Variants in ELAVL2 observed in about 807,000 individuals in gnomAD.
ELAVL2 encodes the protein ELAV-like protein 2.
In ELAVL2, 4 loss-of-function variants were observed where a neutral mutation model predicts 34.6. The ratio of observed to expected loss-of-function variants is 0.12; its 90% CI spans 0.06 to 0.26. The LOEUF (loss-of-function observed/expected upper bound fraction) is 0.26. ELAVL2 is among the 10% of genes least tolerant of loss of function. The probability of loss-of-function intolerance (pLI) is 1.00; values close to 1 mark genes in which losing one functional copy is unlikely to be tolerated. For missense variants in ELAVL2, 432 were observed against 442.8 expected, an observed-to-expected ratio of 0.98 and a Z score of 0.22; for synonymous variants, 193 against 154.8, an observed-to-expected ratio of 1.25 and a Z score of -1.83.
At chr9:23,830,307 T>C (rs1009618087), upstream of ELAVL2, 1 of 152,168 alleles carries the variant, frequency 6.6e-6, no homozygotes, top group African/African-American at 2.4e-5. Flanking sequence ...TTGCGAAAGA[T>C]TCTTTACATT....
intron 1 of ELAVL2, among the ~76,000 whole-genome samples, chr9:23,796,893 C>CA (rs1183713682): frequency 7.9e-5 from 12 of 152,176 alleles, no homozygotes; most frequent in Admixed American, 7.9e-4. Context: ...CTTATCTCTT[C>CA]ATTTTAACCC....
the ELAVL2 span, among the ~76,000 whole-genome samples, chr9:23,848,377 T>G: frequency 6.6e-6 from 1 of 152,230 alleles, no homozygotes; most frequent in African/African-American, 2.4e-5. Context: ...CAAATGTTAC[T>G]AAATTGATTC....
intron 2 of ELAVL2, among the ~76,000 whole-genome samples, chr9:23,744,595 A>T (rs2050054876): frequency 6.6e-6 from 1 of 151,768 alleles, no homozygotes; most frequent in Non-Finnish European, 1.5e-5. Context: ...ATTGACAACA[A>T]CATTATTAAG....
At chr9:23,731,978 A>T (rs747130083) in intron 2 of ELAVL2, among the ~76,000 whole-genome samples, 3 of 152,222 alleles carry the variant, frequency 2.0e-5, no homozygotes, top group African/African-American at 4.8e-5. Flanking sequence ...AATGGAATGC[A>T]AAGATAACTA....
the ELAVL2 span, among the ~76,000 whole-genome samples, chr9:23,846,381 T>C: frequency 1.3e-5 from 2 of 152,096 alleles, no homozygotes; most frequent in Non-Finnish European, 2.9e-5. Flanking sequence ...AATGATTTGC[T>C]ACCTATAAAA....
At chr9:23,701,317 C>T (rs2037114172) in intron 5 of ELAVL2, 62 bp downstream of exon 5, 3 of 1,559,362 alleles carry the variant, frequency 1.9e-6, no homozygotes, top group African/African-American at 2.7e-5. Flanking sequence ...AAGTACTGGA[C>T]AGTAAACCTG....
chr9:23,701,396 C>T lies in ELAVL2; in HGVS notation c.696G>A (p.Gln232=). ...AGACTTACCTAAAACGCTGTGCCTGCTGAGCTAGCGGTCCTGGATACCTTC... is the reference window on the plus strand; with the variant it reads ...AGACTTACCTAAAACGCTGTGCCTGTTGAGCTAGCGGTCCTGGATACCTTC... ...PNRRYPGPLA[Q]QAQRFRLDNL... is the part of the protein sequence containing the mutation. The change falls in exon 5 of 7, where the codon CAG becomes CAA. Residue 232 remains glutamine, a synonymous_variant. Coordinates refer to ENST00000397312, the MANE Select transcript of ELAVL2 (RefSeq NM_004432.5). 6.2e-7 allele frequency: 1 copy of T among 1,614,064 alleles called. No homozygotes were observed. The highest frequency in any genetic ancestry group is 8.5e-7 in the Non-Finnish European group (1 of 1,179,976).
the ELAVL2 span, among the ~76,000 whole-genome samples, chr9:23,839,794 G>A: frequency 6.6e-6 from 1 of 152,032 alleles, no homozygotes; most frequent in Non-Finnish European, 1.5e-5. Flanking sequence ...TATAAAGAAA[G>A]CAAAACATTT....
At chr9:23,723,383 G>T (rs1237731047) in intron 3 of ELAVL2, among the ~76,000 whole-genome samples, 1 of 151,862 alleles carries the variant, frequency 6.6e-6, no homozygotes, top group African/African-American at 2.4e-5. Flanking sequence ...AGAACACACG[G>T]ACACAGGAAG....
At chr9:23,812,397 T>C (rs762379981) in intron 1 of ELAVL2, among the ~76,000 whole-genome samples, 7 of 152,128 alleles carry the variant, frequency 4.6e-5, no homozygotes, top group Non-Finnish European at 8.8e-5. Context: ...GCAGCCCACA[T>C]ATATCAAAGT....
At chr9:23,829,332 A>G (rs546734236), upstream of ELAVL2, among the ~76,000 whole-genome samples, 2 of 152,232 alleles carry the variant, frequency 1.3e-5, no homozygotes, top group Non-Finnish European at 2.9e-5. Context: ...GCTGTTGTGG[A>G]AAATGTCTTT....
In ELAVL2 at chr9:23,740,070, C is replaced by A. The variant is rs1166586282; in HGVS notation, c.230-8945G>T. ...TAGAGATAAATTTTCTTCTTGAACA[C>A]ATTTTTCTTAAAAAAATCACTCTCT... On this transcript the variant is annotated intron_variant, in intron 2 of 6. Transcript: ENST00000397312. 2.0e-5 allele frequency among the ~76,000 whole-genome samples: 3 copies of A among 151,344 alleles called. No individual in the cohort carries two copies. The Admixed American group carries it at 2.0e-4, about 10-fold the overall frequency.
chr9:23,762,007 T>C lies in ELAVL2; in HGVS notation c.228A>G (p.Thr76=), dbSNP rs779878982. The C allele has an allele frequency of 1.9e-6, 3 of 1,610,176 alleles. No individual in the cohort carries two copies. The highest frequency in any genetic ancestry group is 1.3e-5 in the African/African-American group (1 of 74,762). The change falls in exon 2 of 7, where the codon ACA becomes ACG. Residue 76 remains threonine (T), a splice_region_variant and synonymous_variant. Coordinates refer to ENST00000397312, the MANE Select transcript of ELAVL2 (RefSeq NM_004432.5). ...AATCATCTACATAAAACTGCTTACC[T>C]GTTATTTTGTCTCTTACAAGCTTAC... is the stretch of plus-strand genomic sequence containing the variant. ...ESCKLVRDKI[T]GQSLGYGFVN...
intron 2 of ELAVL2, 113 bp from the exon 3 acceptor site, chr9:23,731,238 T>A: frequency 1.4e-6 from 1 of 721,244 alleles, no homozygotes; most frequent in Non-Finnish European, 2.1e-6. Flanking sequence ...TCCTCAACAG[T>A]AAAAAGAACT....
intron 5 of ELAVL2, among the ~76,000 whole-genome samples, chr9:23,698,120 C>T (rs1477339556): frequency 6.6e-6 from 1 of 152,076 alleles, no homozygotes; most frequent in African/African-American, 2.4e-5. Context: ...CATAAAGGCT[C>T]ATAGAAGCAG....
the ELAVL2 span, among the ~76,000 whole-genome samples, chr9:23,841,567 G>T: frequency 3.6e-4 from 55 of 152,172 alleles, 1 homozygote; most frequent in South Asian, 0.011. Flanking sequence ...CCCTACCCTC[G>T]GGGTTTAGAA....
At chr9:23,813,776 A>T (rs892721655) in intron 1 of ELAVL2, among the ~76,000 whole-genome samples, 1 of 152,226 alleles carries the variant, frequency 6.6e-6, no homozygotes, top group African/African-American at 2.4e-5. Context: ...GGAGACTATA[A>T]GATCTAAATA....
At chr9:23,733,736 C>A (rs1005752647) in intron 2 of ELAVL2, among the ~76,000 whole-genome samples, 12 of 152,258 alleles carry the variant, frequency 7.9e-5, no homozygotes, top group African/African-American at 2.4e-4. Context: ...CCTCTGAACC[C>A]TTACTCCTGG....
intron 1 of ELAVL2, among the ~76,000 whole-genome samples, chr9:23,765,792 T>C (rs1433065083): frequency 6.6e-6 from 1 of 152,166 alleles, no homozygotes; most frequent in East Asian, 1.9e-4. Context: ...AATGCTCGCA[T>C]AGGATGTCAG....
Sources: allele counts gnomAD v4.1 joint callset (sites outside exome capture counted in the v4.1 genomes callset), GRCh38; gene constraint gnomAD v4.1.1; transcripts MANE v1.5; gene names NCBI Gene and HGNC (gene_info 2026-07-23, HGNC 2026-07-21).